KIF13A: variants seen among roughly 807,000 people sequenced by gnomAD.
KIF13A encodes kinesin family member 13A.
Under a neutral mutation model 212.2 loss-of-function variants are expected in KIF13A, and 79 were observed. The observed-to-expected ratio is 0.37, with a 90% CI of 0.31 to 0.45. The LOEUF (loss-of-function observed/expected upper bound fraction) is 0.45, where lower values mean the gene tolerates loss of function less well. Among genes scored for constraint, KIF13A ranks in the 20% least tolerant of loss-of-function variants. The pLI, the probability that KIF13A is intolerant of heterozygous loss-of-function variation, is 1.00. For missense variants in KIF13A, 1,901 were observed against 2,209.0 expected, an observed-to-expected ratio of 0.86 and a Z score of 2.79; for synonymous variants, 789 against 808.6, an observed-to-expected ratio of 0.98 and a Z score of 0.41.
intron 4 of KIF13A, among the ~76,000 whole-genome samples, chr6:17,858,821 G>T (rs970927964): frequency 1.2e-4 from 18 of 152,108 alleles, no homozygotes; most frequent in African/African-American, 4.3e-4. Context: ...GGTGAGGGTG[G>T]GGACAAGAGA....
rs1471283515 is a variant in KIF13A at position 17,883,320 on chromosome 6, C to G, written c.160-9883G>C. Among the ~76,000 whole-genome samples, 1 of 152,032 alleles carries G rather than the reference C, an allele frequency of 6.6e-6. No homozygotes were observed. The highest frequency in any genetic ancestry group is 1.5e-5 in the Non-Finnish European group (1 of 68,000). On this transcript the variant is annotated intron_variant, in intron 3 of 38. Transcript: ENST00000259711. This position sits in a 1 kb window ranked among gnomAD's most constrained non-coding sequence, Gnocchi z 4.8. ...TGTGATCATGTCACTGCACTCCAGC[C>G]TGGGTCACAGAGCAAGACTGTCTCT... is the stretch of plus-strand genomic sequence containing the variant.
intron 17 of KIF13A, among the ~76,000 whole-genome samples, chr6:17,814,249 CT>C (rs34056148): frequency 0.07 from 6,234 of 89,442 alleles, 196 homozygotes; most frequent in African/African-American, 0.15. Context: ...CAGTGCCCGG[CT>C]TTTTTTTTTT....
intron 2 of KIF13A, among the ~76,000 whole-genome samples, chr6:17,977,897 TTC>T (rs1460640629): frequency 1.2e-4 from 19 of 152,176 alleles, no homozygotes; most frequent in Non-Finnish European, 2.5e-4. Context: ...TCTTTTTTGT[TTC>T]TGTCACGTTT....
chr6:17,975,547 G>GGA (rs1554126556), intron 2 of KIF13A, among the ~76,000 whole-genome samples: 5 of 150,886 alleles, frequency 3.3e-5, no homozygotes, highest in African/African-American at 1.2e-4. Context: ...AAGACCAAAA[G>GGA]AAAAAAAAGC....
chr6:17,822,634 G>A (rs1413844220), intron 16 of KIF13A, among the ~76,000 whole-genome samples: 2 of 152,178 alleles, frequency 1.3e-5, no homozygotes, highest in East Asian at 3.9e-4. Flanking sequence ...AGCGACTAGA[G>A]ATGTCTAGAT....
Position 17,816,892 on chromosome 6 carries a change from A to G in KIF13A, c.2000+128T>C. On this transcript the variant is annotated intron_variant, in intron 17 of 38. Coordinates refer to ENST00000259711, the MANE Select transcript of KIF13A (RefSeq NM_022113.6). This position sits in a 1 kb window ranked among gnomAD's most constrained non-coding sequence, Gnocchi z 4.3. ...TTTGTGAAAGGAAAAGCTAATTGGC[A>G]ATATCACGTATGGGATTAAGAGTTC... 1 of 674,406 alleles carries G rather than the reference A, an allele frequency of 1.5e-6. No individual in the cohort carries two copies. Among genetic ancestry groups the G allele is most frequent in the Admixed American group, 2.9e-5 (1 of 34,076 alleles). The allele number at this position is 674,406 out of a possible 1,614,324, so 41.8% of individuals were successfully genotyped here.
At chr6:17,864,620 A>G (rs1769179111) in intron 4 of KIF13A, among the ~76,000 whole-genome samples, 2 of 152,170 alleles carry the variant, frequency 1.3e-5, no homozygotes, top group South Asian at 4.1e-4. Context: ...CCTCCTGAGT[A>G]GCTAGGACTA....
chr6:17,955,585 T>C (rs968341434), intron 2 of KIF13A, among the ~76,000 whole-genome samples: 1 of 152,204 alleles, frequency 6.6e-6, no homozygotes, highest in Non-Finnish European at 1.5e-5. Context: ...ATACAAAAAG[T>C]AGCCATTTCT....
At chr6:17,833,919 G>T in intron 12 of KIF13A, 42 bp downstream of exon 12, 2 of 971,052 alleles carry the variant, frequency 2.1e-6, no homozygotes, top group Non-Finnish European at 3.0e-6. Context: ...GACAATAAGT[G>T]AAAAAGAATC....
At chr6:17,950,090 A>G (rs1415620386) in intron 2 of KIF13A, among the ~76,000 whole-genome samples, 1 of 152,156 alleles carries the variant, frequency 6.6e-6, no homozygotes, top group Non-Finnish European at 1.5e-5. Flanking sequence ...ACTGACCCAA[A>G]TAGTTTTCCT....
At chr6:17,810,960 G>A (rs1013270415) in intron 17 of KIF13A, among the ~76,000 whole-genome samples, 2 of 152,160 alleles carry the variant, frequency 1.3e-5, no homozygotes, top group African/African-American at 2.4e-5. Flanking sequence ...CCACGGACCC[G>A]TACCAGTTTG....
At chr6:17,779,162 G>T in intron 32 of KIF13A, 63 bp from the exon 33 acceptor site, 1 of 1,427,424 alleles carries the variant, frequency 7.0e-7, no homozygotes, top group Non-Finnish European at 9.7e-7. Flanking sequence ...CCAAAGTGTG[G>T]TGAGAAAACG....
intron 3 of KIF13A, among the ~76,000 whole-genome samples, chr6:17,875,003 G>GCACACACA (rs905903459): frequency 9.7e-5 from 13 of 133,386 alleles, no homozygotes; most frequent in East Asian, 4.3e-4. Context: ...GCACACGCAC[G>GCACACACA]CACACACACA....
In KIF13A at chr6:17,872,455, C is replaced by T. The variant is rs751249822; in HGVS notation, c.220+922G>A. ...ACACGGTGACTATAGTTAATAACAA[C>T]GTACTGTATTCCTGAAAATTGCTAA... On this transcript the variant is annotated intron_variant, in intron 4 of 38. Transcript: ENST00000259711. The surrounding 1 kb of genome is among the most constrained non-coding windows in gnomAD (Gnocchi z 4.7). Among the ~76,000 whole-genome samples the T allele has an allele frequency of 1.5e-4, 23 of 152,102 alleles. No individual in the cohort carries two copies. The highest frequency in any genetic ancestry group is 2.1e-4 in the South Asian group (1 of 4,830).
chr6:17,821,724 A>C (rs1021199616), intron 16 of KIF13A: 50 of 1,512,550 alleles, frequency 3.3e-5, no homozygotes, highest in Non-Finnish European at 4.0e-5. Context: ...CATGAGCATC[A>C]ATCAGCAGCA....
At chr6:17,945,047 A>C (rs1239624422) in intron 2 of KIF13A, among the ~76,000 whole-genome samples, 1 of 152,204 alleles carries the variant, frequency 6.6e-6, no homozygotes, top group Non-Finnish European at 1.5e-5. Context: ...CCAAGGTGGA[A>C]GGATCATCTG....
chr6:17,808,761 T>C lies in KIF13A; in HGVS notation c.2163+7A>G. 6.2e-7 allele frequency: 1 copy of C among 1,609,400 alleles called. No individual in the cohort carries two copies. The highest frequency in any genetic ancestry group is 8.5e-7 in the Non-Finnish European group (1 of 1,178,178). On this transcript the variant is annotated splice_region_variant and intron_variant, in intron 18 of 38. Transcript: ENST00000259711. ...ATCTTGCCCTCTCACTTGAAGGACA[T>C]TCTTACCTTCCTATTGGCACTGAGG...
chr6:17,826,250 G>T lies in KIF13A; in HGVS notation c.1533-126C>A. ...GCATTCCAACTAACGCTTAAAGAAG[G>T]AAGAGCAGAATGTGTAACCACTATG... On this transcript the variant is annotated intron_variant, in intron 14 of 38. Coordinates refer to ENST00000259711, the MANE Select transcript of KIF13A (RefSeq NM_022113.6). The surrounding 1 kb of genome is among the most constrained non-coding windows in gnomAD (Gnocchi z 4.7). 1 of 685,992 alleles carries T rather than the reference G, an allele frequency of 1.5e-6. No individual in the cohort carries two copies. The allele number at this position is 685,992 out of a possible 1,614,324, so 42.5% of individuals were successfully genotyped here.
At chr6:17,781,624 T>C (rs1025071678) in intron 29 of KIF13A, among the ~76,000 whole-genome samples, 2 of 46,694 alleles carry the variant, frequency 4.3e-5, no homozygotes, top group African/African-American at 1.3e-4. Context: ...TGTACTTGGG[T>C]TTTTTTTTTT....
Sources: gnomAD v4.1 joint callset for allele counts (sites outside exome capture counted in the v4.1 genomes callset) on GRCh38, gnomAD v4.1.1 for gene constraint, Gnocchi (gnomAD v3.1) non-coding constraint, MANE v1.5 for transcripts, NCBI Gene and HGNC (gene_info 2026-07-23, HGNC 2026-07-21) for gene names.